Variants in LRRTM4 observed in about 807,000 individuals in gnomAD.
LRRTM4 encodes leucine-rich repeat transmembrane neuronal protein 4.
In LRRTM4, 25 loss-of-function variants were observed where a neutral mutation model predicts 47.6. That is an observed-to-expected ratio of 0.53 (90% CI 0.38 to 0.73). LRRTM4 has a LOEUF of 0.73. Ranked by LOEUF, LRRTM4 falls within the 30% of genes least tolerant of loss-of-function variation. The probability of loss-of-function intolerance (pLI) is 0.00; values close to 1 mark genes in which losing one functional copy is unlikely to be tolerated. For missense variants in LRRTM4, 638 were observed against 713.4 expected (o/e 0.89, Z 1.20); for synonymous variants, 311 against 269.5 (o/e 1.15, Z -1.51).
chr2:77,330,004 T>C (rs933833070), intron 3 of LRRTM4, among the ~76,000 whole-genome samples: 1 of 152,094 alleles, frequency 6.6e-6, no homozygotes, highest in African/African-American at 2.4e-5. Flanking sequence ...CTGGGTTTGA[T>C]TGGCATATGA....
chr2:77,320,266 A>C (rs1015999820), intron 3 of LRRTM4, among the ~76,000 whole-genome samples: 2 of 152,226 alleles, frequency 1.3e-5, no homozygotes, highest in African/African-American at 2.4e-5. Flanking sequence ...TGAAAGGAAA[A>C]AGAAATAATA....
chr2:76,880,319 CTAAT>C (rs1672894438), intron 3 of LRRTM4, among the ~76,000 whole-genome samples: 1 of 152,146 alleles, frequency 6.6e-6, no homozygotes, highest in Non-Finnish European at 1.5e-5. Flanking sequence ...AACCACCACT[CTAAT>C]TAGTCAGCAG....
intron 3 of LRRTM4, among the ~76,000 whole-genome samples, chr2:76,863,608 G>C (rs1240004345): frequency 6.6e-6 from 1 of 152,134 alleles, no homozygotes; most frequent in Non-Finnish European, 1.5e-5. Context: ...GCAAGTAGAA[G>C]AGTTTCATAT....
chr2:77,074,184 GATTTT>G (rs751744272), intron 3 of LRRTM4, among the ~76,000 whole-genome samples: 65 of 152,146 alleles, frequency 4.3e-4, no homozygotes, highest in Non-Finnish European at 8.8e-4. Flanking sequence ...CTAATTTTAT[GATTTT>G]GTTTTATCAT....
At chr2:76,996,982 T>A (rs935455428) in intron 3 of LRRTM4, among the ~76,000 whole-genome samples, 1 of 152,096 alleles carries the variant, frequency 6.6e-6, no homozygotes, top group Non-Finnish European at 1.5e-5. Flanking sequence ...GAGAAAGAAA[T>A]GCTGGTCCTC....
intron 3 of LRRTM4, among the ~76,000 whole-genome samples, chr2:76,762,045 C>T (rs541379409): frequency 4.6e-5 from 7 of 152,242 alleles, no homozygotes; most frequent in South Asian, 2.1e-4. Flanking sequence ...GTTCTCAAAT[C>T]GTCCACTCAC....
At chr2:77,211,394 C>T (rs886678341) in intron 3 of LRRTM4, among the ~76,000 whole-genome samples, 7 of 152,084 alleles carry the variant, frequency 4.6e-5, no homozygotes, top group Admixed American at 3.9e-4. Flanking sequence ...CCTGCTGGTG[C>T]TTACATTAGA....
chr2:77,021,375 C>A (rs1049693275), intron 3 of LRRTM4, among the ~76,000 whole-genome samples: 2 of 152,066 alleles, frequency 1.3e-5, no homozygotes, highest in Non-Finnish European at 2.9e-5. Flanking sequence ...TTAAGTGTTA[C>A]ATTAATGGGC....
intron 3 of LRRTM4, among the ~76,000 whole-genome samples, chr2:76,963,423 T>C (rs922455442): frequency 9.3e-5 from 14 of 150,990 alleles, no homozygotes; most frequent in Admixed American, 4.0e-4. Flanking sequence ...TAAAACAGAT[T>C]TCTCATCAGA....
chr2:76,888,753 T>C (rs1673158111), intron 3 of LRRTM4, among the ~76,000 whole-genome samples: 1 of 151,834 alleles, frequency 6.6e-6, no homozygotes, highest in Non-Finnish European at 1.5e-5. Context: ...TTCTGCACTT[T>C]TGCTCCTATG....
At chr2:77,494,518 G>A (rs1027216844) in intron 3 of LRRTM4, among the ~76,000 whole-genome samples, 1 of 151,942 alleles carries the variant, frequency 6.6e-6, no homozygotes, top group African/African-American at 2.4e-5. Flanking sequence ...AGTGGATTAA[G>A]AGAGTCTGCC....
intron 3 of LRRTM4, among the ~76,000 whole-genome samples, chr2:77,087,357 A>G (rs1680752845): frequency 6.6e-6 from 1 of 152,254 alleles, no homozygotes; most frequent in Non-Finnish European, 1.5e-5. Flanking sequence ...TCTCACCCAT[A>G]AAAATCTACA....
intron 3 of LRRTM4, among the ~76,000 whole-genome samples, chr2:77,287,910 C>T (rs1676709300): frequency 6.6e-6 from 1 of 152,088 alleles, no homozygotes; most frequent in South Asian, 2.1e-4. Context: ...GTTTTGGAAG[C>T]TATCCTCCAT....
At chr2:77,259,796 AT>A (rs1381088033) in intron 3 of LRRTM4, among the ~76,000 whole-genome samples, 1 of 152,010 alleles carries the variant, frequency 6.6e-6, no homozygotes, top group Non-Finnish European at 1.5e-5. Flanking sequence ...AGAGAAAATA[AT>A]TTTTACAGTG....
At chr2:77,226,491 C>T (rs968063365) in intron 3 of LRRTM4, among the ~76,000 whole-genome samples, 3 of 150,380 alleles carry the variant, frequency 2.0e-5, no homozygotes, top group East Asian at 2.0e-4. Context: ...TGTTTTCTGT[C>T]TCTCATTATT....
chr2:76,875,227 C>A, intron 3 of LRRTM4, among the ~76,000 whole-genome samples: 1 of 152,054 alleles, frequency 6.6e-6, no homozygotes, highest in East Asian at 1.9e-4. Flanking sequence ...GATAAATAAT[C>A]ATTTCTGTGG....
At chr2:77,355,946 A>G (rs1671950083) in intron 3 of LRRTM4, among the ~76,000 whole-genome samples, 1 of 152,328 alleles carries the variant, frequency 6.6e-6, no homozygotes, top group African/African-American at 2.4e-5. Context: ...CAAAAAAATT[A>G]GCTGGGCATT....
At chr2:77,416,594 C>T (rs1225294715) in intron 3 of LRRTM4, among the ~76,000 whole-genome samples, 1 of 151,874 alleles carries the variant, frequency 6.6e-6, no homozygotes, top group Non-Finnish European at 1.5e-5. Flanking sequence ...TAAAAATAAA[C>T]ACAGGAAATT....
intron 3 of LRRTM4, among the ~76,000 whole-genome samples, chr2:77,116,997 C>T (rs1190659005): frequency 4.6e-5 from 7 of 151,838 alleles, no homozygotes. Flanking sequence ...CCAACTACTT[C>T]CTGTCTTCAT....
Sources: gnomAD v4.1 joint callset for allele counts (sites outside exome capture counted in the v4.1 genomes callset) on GRCh38, gnomAD v4.1.1 for gene constraint, MANE v1.5 for transcripts, NCBI Gene and HGNC (gene_info 2026-07-23, HGNC 2026-07-21) for gene names.